LRBA: variants seen among roughly 807,000 people sequenced by gnomAD.
The protein encoded by LRBA is lipopolysaccharide-responsive and beige-like anchor protein.
LRBA carries 176 observed loss-of-function variants against 330.0 expected under a neutral mutation model. The observed-to-expected ratio is 0.53, with a 90% CI of 0.47 to 0.60. The LOEUF (loss-of-function observed/expected upper bound fraction) is 0.60. LRBA is among the 20% of genes least tolerant of loss of function. The pLI, the probability that LRBA is intolerant of heterozygous loss-of-function variation, is 0.00. For synonymous variants in LRBA, 1,230 were observed against 1,193.0 expected, an observed-to-expected ratio of 1.03 and a Z score of -0.64; for missense variants, 3,259 against 3,444.8, an observed-to-expected ratio of 0.95 and a Z score of 1.35.
intron 22 of LRBA, among the ~76,000 whole-genome samples, chr4:150,853,604 T>C (rs546761663): frequency 1.3e-5 from 2 of 152,306 alleles, no homozygotes; most frequent in South Asian, 2.1e-4. Flanking sequence ...GTGACTACAA[T>C]ATATTAGGCA....
intron 35 of LRBA, 60 bp downstream of exon 35, chr4:150,761,723 A>T (rs1189697822): frequency 6.3e-6 from 7 of 1,107,466 alleles, no homozygotes; most frequent in Non-Finnish European, 6.5e-6. Context: ...ATCAATGCCT[A>T]TAGGAAAAAC....
intron 35 of LRBA, among the ~76,000 whole-genome samples, chr4:150,737,199 CAG>C (rs1731294245): frequency 6.6e-6 from 1 of 152,174 alleles, no homozygotes; most frequent in South Asian, 2.1e-4. Context: ...GCCTGAGCAA[CAG>C]AGAGAGATCC....
At chr4:150,993,654 C>T (rs1742338002) in intron 2 of LRBA, among the ~76,000 whole-genome samples, 1 of 152,080 alleles carries the variant, frequency 6.6e-6, no homozygotes, top group Non-Finnish European at 1.5e-5. Flanking sequence ...TGGAGGGAAG[C>T]AAAAGGCATT....
Position 150,998,193 on chromosome 4 carries a change from A to G in LRBA, c.216+16234T>C, listed in dbSNP as rs559267618. Among the ~76,000 whole-genome samples the G allele has an allele frequency of 9.2e-5, 14 of 151,918 alleles. No homozygotes were observed. The South Asian group carries it at 1.3e-3, about 14-fold the overall frequency. ...ATGGAGAAACCCCGTCTCTACTAAA[A>G]AAATACAAAATTAGCCAGGCTTGGT... On this transcript the variant is annotated intron_variant, in intron 2 of 56. Coordinates refer to ENST00000651943, the MANE Select transcript of LRBA (RefSeq NM_001364905.1).
Position 150,308,920 on chromosome 4 carries a change from T to A in LRBA, c.7849+1309A>T, listed in dbSNP as rs564488907. 3.9e-5 allele frequency among the ~76,000 whole-genome samples: 6 copies of A among 152,130 alleles called. No individual in the cohort carries two copies. The South Asian group carries it at 8.3e-4, about 21-fold the overall frequency. On this transcript the variant is annotated intron_variant, in intron 52 of 56. Coordinates refer to ENST00000651943, the MANE Select transcript of LRBA (RefSeq NM_001364905.1). ...AAGCCAATTATTAGTAAAGAAAAAA[T>A]TTTAAAAACAAATTTAGTGTAGTCT...
At chr4:150,992,373 A>G (rs986132011) in intron 2 of LRBA, among the ~76,000 whole-genome samples, 1 of 152,112 alleles carries the variant, frequency 6.6e-6, no homozygotes, top group African/African-American at 2.4e-5. Flanking sequence ...AAAGGACCCA[A>G]GCAGAGAGAA....
intron 2 of LRBA, among the ~76,000 whole-genome samples, chr4:150,953,894 C>T (rs560651312): frequency 4.0e-5 from 6 of 150,508 alleles, no homozygotes; most frequent in Non-Finnish European, 5.9e-5. Flanking sequence ...TCTTCCCGGC[C>T]GTCATCCCGT....
chr4:150,409,087 G>C (rs1457135431), intron 47 of LRBA, among the ~76,000 whole-genome samples: 4 of 151,996 alleles, frequency 2.6e-5, no homozygotes, highest in African/African-American at 9.7e-5. Context: ...GGCCATACTG[G>C]AGTAGGGTGA....
intron 37 of LRBA, among the ~76,000 whole-genome samples, chr4:150,605,057 T>G (rs567629464): frequency 1.3e-5 from 2 of 152,328 alleles, no homozygotes; most frequent in African/African-American, 4.8e-5. Context: ...TAACATTTAT[T>G]TAACCAAAAA....
chr4:150,800,096 A>G (rs1741385179), intron 33 of LRBA, among the ~76,000 whole-genome samples: 1 of 152,194 alleles, frequency 6.6e-6, no homozygotes, highest in South Asian at 2.1e-4. Context: ...ATTTCTGTTT[A>G]TTTATTTCAG....
chr4:150,844,556 C>A, intron 27 of LRBA, 102 bp downstream of exon 27: 4 of 1,057,150 alleles, frequency 3.8e-6, no homozygotes, highest in Non-Finnish European at 4.0e-6. Context: ...CTATTTTAAT[C>A]TCTGCCAGAT....
Position 151,014,731 on chromosome 4 carries a change from G to C in LRBA, c.-89C>G. The C allele has an allele frequency of 3.6e-6, 3 of 839,214 alleles. No individual in the cohort carries two copies. Among genetic ancestry groups the C allele is most frequent in the South Asian group, 1.8e-5 (1 of 56,650 alleles). The allele number at this position is 839,214 out of a possible 1,614,324, so 52.0% of individuals were successfully genotyped here. ...GAGCACAACACACGCAATGCAAAAC[G>C]AAAGGGTCCCTCTTCCAACTTGTGG... On this transcript the variant is annotated 5_prime_UTR_variant, in exon 2 of 57. Transcript: ENST00000651943.
intron 2 of LRBA, among the ~76,000 whole-genome samples, chr4:150,969,799 A>G (rs1021347037): frequency 1.1e-4 from 17 of 152,194 alleles, no homozygotes; most frequent in African/African-American, 4.1e-4. Context: ...GAAATCTACA[A>G]CTGGTGAAGA....
chr4:150,330,661 CA>C (rs757121632), intron 48 of LRBA, among the ~76,000 whole-genome samples: 1 of 152,282 alleles, frequency 6.6e-6, no homozygotes, highest in South Asian at 2.1e-4. Context: ...GCTGATGTGA[CA>C]GGGGTAGAGC....
intron 46 of LRBA, among the ~76,000 whole-genome samples, chr4:150,419,485 A>G (rs1748279848): frequency 6.6e-6 from 1 of 152,050 alleles, no homozygotes; most frequent in African/African-American, 2.4e-5. Flanking sequence ...CTACCAATCT[A>G]ATAACTATGA....
At chr4:150,355,885 TG>T (rs1315201047) in intron 47 of LRBA, among the ~76,000 whole-genome samples, 1 of 152,058 alleles carries the variant, frequency 6.6e-6, no homozygotes, top group Admixed American at 6.6e-5. Flanking sequence ...GTTATAAACT[TG>T]GAATTTTAAG....
At chr4:150,774,693 TG>T (rs1737031639) in intron 34 of LRBA, among the ~76,000 whole-genome samples, 1 of 152,088 alleles carries the variant, frequency 6.6e-6, no homozygotes, top group African/African-American at 2.4e-5. Context: ...GACACATATA[TG>T]TGTGGACCTG....
chr4:150,544,925 T>C (rs1379875686), intron 40 of LRBA, among the ~76,000 whole-genome samples: 1 of 152,246 alleles, frequency 6.6e-6, no homozygotes, highest in Non-Finnish European at 1.5e-5. Context: ...GTTTCTACAC[T>C]GCCTTCAGTT....
intron 40 of LRBA, among the ~76,000 whole-genome samples, chr4:150,559,900 T>C (rs1449063287): frequency 4.3e-5 from 2 of 47,022 alleles, no homozygotes; most frequent in Non-Finnish European, 7.9e-5. Context: ...TATAATTATA[T>C]ATAATTATAT....
Sources: allele counts gnomAD v4.1 joint callset (sites outside exome capture counted in the v4.1 genomes callset), GRCh38; gene constraint gnomAD v4.1.1; transcripts MANE v1.5; gene names NCBI Gene and HGNC (gene_info 2026-07-23, HGNC 2026-07-21).